The following FIRRM variants were observed in gnomAD, a reference collection of about 807,000 sequenced individuals.
FIRRM encodes FIGNL1-interacting regulator of recombination and mitosis.
chr1:169,829,370 C>T, the FIRRM span: 1 of 1,613,856 alleles, frequency 6.2e-7, no homozygotes, highest in Non-Finnish European at 8.5e-7. Context: ...GCTGAGGTGG[C>T]TGTCACCTTG....
the FIRRM span, among the ~76,000 whole-genome samples, chr1:169,800,532 C>T: frequency 2.6e-5 from 4 of 152,078 alleles, no homozygotes; most frequent in South Asian, 2.1e-4. Flanking sequence ...CATCATTCTT[C>T]GTACATGTTT....
the FIRRM span, among the ~76,000 whole-genome samples, chr1:169,801,777 CA>C: frequency 6.6e-6 from 1 of 152,034 alleles, no homozygotes; most frequent in African/African-American, 2.4e-5. Flanking sequence ...ACTTTGGTGC[CA>C]AAATGAAACA....
chr1:169,790,720 A>G, the FIRRM span, among the ~76,000 whole-genome samples: 1 of 152,160 alleles, frequency 6.6e-6, no homozygotes, highest in Admixed American at 6.5e-5. Context: ...ATTGAAACCA[A>G]TTAATGTATT....
At chr1:169,851,059 T>C in the FIRRM span, 1 of 119,902 alleles carries the variant, frequency 8.3e-6, no homozygotes, top group African/African-American at 3.0e-5. Flanking sequence ...TTTTTTTTTT[T>C]TTTTTTTTTT....
chr1:169,803,211 C>T, the FIRRM span: 1 of 1,613,956 alleles, frequency 6.2e-7, no homozygotes, highest in African/African-American at 1.3e-5. Context: ...ATGTGTTCAG[C>T]ATATCTGTGC....
chr1:169,849,401 T>C, the FIRRM span: 2 of 836,030 alleles, frequency 2.4e-6, no homozygotes, highest in Admixed American at 2.5e-5. Flanking sequence ...GACAGGATTA[T>C]GTTAACTTGA....
the FIRRM span, among the ~76,000 whole-genome samples, chr1:169,840,982 C>G: frequency 6.6e-6 from 1 of 152,096 alleles, no homozygotes; most frequent in Non-Finnish European, 1.5e-5. Flanking sequence ...ACTTTCAATA[C>G]TATGTTGAAT....
At chr1:169,823,751 AC>A in the FIRRM span, among the ~76,000 whole-genome samples, 1 of 142,038 alleles carries the variant, frequency 7.0e-6, no homozygotes. Flanking sequence ...ACACAAATAT[AC>A]GTATACCTTT....
At chr1:169,806,030 T>G in the FIRRM span, 2 of 1,603,246 alleles carry the variant, frequency 1.2e-6, no homozygotes, top group Non-Finnish European at 1.7e-6. Context: ...GGATATCTGC[T>G]CTGTTATTTC....
chr1:169,852,577 G>C, the FIRRM span: 1 of 571,008 alleles, frequency 1.8e-6, no homozygotes, highest in Non-Finnish European at 3.1e-6. Context: ...TACAAACTAA[G>C]ACACTGGTAG....
chr1:169,812,246 G>A, the FIRRM span, among the ~76,000 whole-genome samples: 1 of 152,196 alleles, frequency 6.6e-6, no homozygotes, highest in Non-Finnish European at 1.5e-5. Flanking sequence ...CAAATAAGTT[G>A]TGTGTCACCA....
the FIRRM span, among the ~76,000 whole-genome samples, chr1:169,845,533 C>A: frequency 6.6e-6 from 1 of 152,312 alleles, no homozygotes; most frequent in East Asian, 1.9e-4. Context: ...TAGAGTCAAT[C>A]TTCTCAAATC....
chr1:169,841,523 G>A, the FIRRM span, among the ~76,000 whole-genome samples: 1 of 152,160 alleles, frequency 6.6e-6, no homozygotes, highest in Non-Finnish European at 1.5e-5. Context: ...GACCTTCCCT[G>A]TACCCCCACC....
chr1:169,842,124 C>T, the FIRRM span, among the ~76,000 whole-genome samples: 979 of 148,988 alleles, frequency 6.6e-3, 11 homozygotes, highest in African/African-American at 0.023. Context: ...TGCAGTGAGC[C>T]GAGATTGCAC....
chr1:169,794,270 TCACTTCTGTCTTTTACAGAAGAGGTG>T, the FIRRM span, among the ~76,000 whole-genome samples: 2 of 152,270 alleles, frequency 1.3e-5, no homozygotes, highest in East Asian at 3.9e-4. Context: ...CAGAATAACT[TCACTTCTGTCTTTTACAGAAGAGGTG>T]CAGTATTTTA....
At chr1:169,832,347 A>G in the FIRRM span, 9 of 1,046,036 alleles carry the variant, frequency 8.6e-6, no homozygotes, top group African/African-American at 1.6e-5. Flanking sequence ...ATTTTGGCAT[A>G]TTCTCTTCTT....
the FIRRM span, chr1:169,827,618 A>G: frequency 2.2e-6 from 3 of 1,375,738 alleles, no homozygotes; most frequent in Admixed American, 5.2e-5. Flanking sequence ...AGGCTGGGTG[A>G]CAGAGTGAGA....
chr1:169,845,473 T>C, the FIRRM span, among the ~76,000 whole-genome samples: 1 of 152,216 alleles, frequency 6.6e-6, no homozygotes, highest in Non-Finnish European at 1.5e-5. Context: ...CTCTGTAGCA[T>C]GTGATGCTGT....
chr1:169,851,910 G>C, the FIRRM span: 1 of 1,614,032 alleles, frequency 6.2e-7, no homozygotes, highest in Non-Finnish European at 8.5e-7. Flanking sequence ...TGTGACTGTA[G>C]AAGAAGCAAA....
Sources: allele counts gnomAD v4.1 joint callset (sites outside exome capture counted in the v4.1 genomes callset), GRCh38; gene constraint gnomAD v4.1.1; transcripts MANE v1.5; gene names NCBI Gene and HGNC (gene_info 2026-07-23, HGNC 2026-07-21).